VWC2: variants seen among roughly 807,000 people sequenced by gnomAD.
VWC2 encodes brorin.
A neutral mutation model predicts 29.8 loss-of-function variants in VWC2; 14 were observed. The observed-to-expected ratio is 0.47, with a 90% CI of 0.31 to 0.74. The LOEUF is 0.74. Among genes scored for constraint, VWC2 ranks in the 30% least tolerant of loss-of-function variants. The pLI, the probability that VWC2 is intolerant of heterozygous loss-of-function variation, is 0.05. For synonymous variants in VWC2, 213 were observed against 199.0 expected, an observed-to-expected ratio of 1.07 and a Z score of -0.59; for missense variants, 457 against 459.8, an observed-to-expected ratio of 0.99 and a Z score of 0.05.
At position 49,792,648 on chromosome 7, in the gene VWC2, C is replaced by A. The variant is rs373686141; in HGVS notation, c.697-10063C>A. Among the ~76,000 whole-genome samples the A allele has an allele frequency of 7.9e-5, 12 of 152,228 alleles. No homozygotes were observed. The East Asian group carries it at 1.3e-3, about 17-fold the overall frequency. ...GTCTTTCCTCCTGTTTCCTTGGCCA[C>A]CCTTCCTACCCTTGCTCTGGAAGCC... is the stretch of plus-strand genomic sequence containing the variant. On this transcript the variant is annotated intron_variant, in intron 2 of 3. Coordinates refer to ENST00000340652, the MANE Select transcript of VWC2 (RefSeq NM_198570.5).
In VWC2 at chr7:49,804,371, C is replaced by T. The variant is rs542992203; in HGVS notation, c.826+1531C>T. Among the ~76,000 whole-genome samples the T allele has an allele frequency of 1.4e-4, 21 of 152,100 alleles. No individual in the cohort carries two copies. In the East Asian group the frequency reaches 3.5e-3, roughly 25 times the overall value. ...ACACCCGCTGAGGAGCCCGAGTGAGCGCCTCTGGTCTGCTGGGAGAGCTGA... is the reference window on the plus strand; with the variant it reads ...ACACCCGCTGAGGAGCCCGAGTGAGTGCCTCTGGTCTGCTGGGAGAGCTGA... On this transcript the variant is annotated intron_variant, in intron 3 of 3. Coordinates refer to ENST00000340652, the MANE Select transcript of VWC2 (RefSeq NM_198570.5).
At chr7:49,806,805 T>C (rs982515001) in intron 3 of VWC2, among the ~76,000 whole-genome samples, 3 of 152,076 alleles carry the variant, frequency 2.0e-5, no homozygotes, top group Non-Finnish European at 4.4e-5. Flanking sequence ...TGCTCCTATG[T>C]GGTCTCACCA....
At chr7:49,803,737 G>T (rs1583638529) in intron 3 of VWC2, among the ~76,000 whole-genome samples, 1 of 152,278 alleles carries the variant, frequency 6.6e-6, no homozygotes, top group East Asian at 1.9e-4. Flanking sequence ...GTATGTGGCA[G>T]GCATGTGTTG....
chr7:49,907,016 A>G (rs1375030780), intron 3 of VWC2, among the ~76,000 whole-genome samples: 1 of 152,224 alleles, frequency 6.6e-6, no homozygotes, highest in Non-Finnish European at 1.5e-5. Context: ...TCCATGTTGA[A>G]TAAACAATGG....
intron 3 of VWC2, among the ~76,000 whole-genome samples, chr7:49,867,782 C>T (rs1790967202): frequency 6.6e-6 from 1 of 152,178 alleles, no homozygotes; most frequent in South Asian, 2.1e-4. Flanking sequence ...GGGCTGCCTA[C>T]AGCAGCCTTT....
chr7:49,828,836 C>T (rs1441564666), intron 3 of VWC2, among the ~76,000 whole-genome samples: 2 of 152,176 alleles, frequency 1.3e-5, no homozygotes, highest in South Asian at 2.1e-4. Context: ...TGTAAGCAGG[C>T]TCTTACACTC....
intron 3 of VWC2, among the ~76,000 whole-genome samples, chr7:49,813,522 A>G (rs899227532): frequency 2.6e-5 from 4 of 152,180 alleles, no homozygotes; most frequent in African/African-American, 9.7e-5. Context: ...ACTTGTTCAT[A>G]TTATTCTTGG....
intron 3 of VWC2, among the ~76,000 whole-genome samples, chr7:49,891,176 A>G (rs1402789985): frequency 6.6e-6 from 1 of 152,210 alleles, no homozygotes; most frequent in Non-Finnish European, 1.5e-5. Context: ...ACAAATATGG[A>G]CCCTATAAAT....
intron 3 of VWC2, among the ~76,000 whole-genome samples, chr7:49,889,922 A>C (rs1792061111): frequency 2.0e-5 from 3 of 152,176 alleles, no homozygotes; most frequent in Admixed American, 1.3e-4. Flanking sequence ...AGAGACAAAT[A>C]TATGTTTTGC....
intron 3 of VWC2, among the ~76,000 whole-genome samples, chr7:49,806,933 A>G (rs1485808526): frequency 6.6e-6 from 1 of 152,240 alleles, no homozygotes; most frequent in African/African-American, 2.4e-5. Context: ...ACAAATATCA[A>G]AATGAACAGT....
At chr7:49,822,233 G>A (rs919618581) in intron 3 of VWC2, among the ~76,000 whole-genome samples, 10 of 151,612 alleles carry the variant, frequency 6.6e-5, no homozygotes, top group African/African-American at 2.4e-4. Context: ...TTAGAAAGTT[G>A]CCATTGTTAA....
At chr7:49,858,255 C>G (rs751738645) in intron 3 of VWC2, among the ~76,000 whole-genome samples, 1 of 152,002 alleles carries the variant, frequency 6.6e-6, no homozygotes, top group African/African-American at 2.4e-5. Flanking sequence ...CACATGCACA[C>G]GTATGTTTAT....
At chr7:49,853,978 C>G (rs1248500499) in intron 3 of VWC2, among the ~76,000 whole-genome samples, 4 of 151,016 alleles carry the variant, frequency 2.6e-5, no homozygotes, top group Middle Eastern at 3.4e-3. Flanking sequence ...GGTTTTCTGT[C>G]CCTGCGATAG....
rs115382307 is a variant in VWC2, at chr7:49,790,950, A to C, written c.697-11761A>C. Reference sequence around the variant, plus strand: ...GTGCAGGCAGAGCCATTTGCGCTCCAGGATGCCTGTGGATTCTGAGTACTT... The same window carrying C: ...GTGCAGGCAGAGCCATTTGCGCTCCCGGATGCCTGTGGATTCTGAGTACTT... On this transcript the variant is annotated intron_variant, in intron 2 of 3. Transcript: ENST00000340652. Among the ~76,000 whole-genome samples the C allele has an allele frequency of 2.0e-3, 298 of 152,240 alleles. 2 individuals are homozygous for C. Among genetic ancestry groups the C allele is most frequent in the African/African-American group, 7.1e-3 (293 of 41,528 alleles).
At chr7:49,892,003 AATGCAGT>A (rs1250702639) in intron 3 of VWC2, among the ~76,000 whole-genome samples, 2 of 151,544 alleles carry the variant, frequency 1.3e-5, no homozygotes, top group Admixed American at 6.6e-5. Context: ...TAACCAAAAG[AATGCAGT>A]TGGCAGAACA....
At chr7:49,821,464 C>G (rs913780700) in intron 3 of VWC2, among the ~76,000 whole-genome samples, 4 of 152,140 alleles carry the variant, frequency 2.6e-5, no homozygotes, top group Non-Finnish European at 5.9e-5. Flanking sequence ...ATTAACATGA[C>G]TCATTTTCAA....
intron 3 of VWC2, among the ~76,000 whole-genome samples, chr7:49,803,888 T>C (rs765921505): frequency 1.3e-5 from 2 of 152,286 alleles, no homozygotes; most frequent in East Asian, 1.9e-4. Flanking sequence ...CTACAACACA[T>C]TGTAAAACTC....
chr7:49,882,434 C>T (rs995701903), intron 3 of VWC2, among the ~76,000 whole-genome samples: 2 of 151,970 alleles, frequency 1.3e-5, no homozygotes, highest in Non-Finnish European at 2.9e-5. Context: ...CCATATACAT[C>T]CTATATGGAA....
intron 2 of VWC2, among the ~76,000 whole-genome samples, chr7:49,800,276 C>T (rs1276648374): frequency 2.0e-5 from 3 of 152,220 alleles, no homozygotes; most frequent in Admixed American, 2.0e-4. Context: ...GATTCAGCGC[C>T]TGCTGCCTAA....
Sources: allele counts gnomAD v4.1 joint callset (sites outside exome capture counted in the v4.1 genomes callset), GRCh38; gene constraint gnomAD v4.1.1; transcripts MANE v1.5; gene names NCBI Gene and HGNC (gene_info 2026-07-23, HGNC 2026-07-21).